Variants in TMCO6 observed in about 807,000 individuals in gnomAD.
TMCO6 encodes transmembrane and coiled-coil domains 6.
In TMCO6, 47 loss-of-function variants were observed where a neutral mutation model predicts 61.8. That is an observed-to-expected ratio of 0.76 (90% confidence interval 0.60 to 0.97). The LOEUF (loss-of-function observed/expected upper bound fraction) is 0.97, where lower values mean the gene tolerates loss of function less well. Ranked by LOEUF, TMCO6 falls within the 50% of genes least tolerant of loss-of-function variation. The probability of loss-of-function intolerance (pLI) is 0.00; values close to 1 mark genes in which losing one functional copy is unlikely to be tolerated. For synonymous variants in TMCO6, 261 were observed against 254.2 expected (o/e 1.03, Z -0.25); for missense variants, 557 against 601.6 (o/e 0.93, Z 0.78).
At chr5:140,638,560 TCTTTC>T (rs1230678648), upstream of TMCO6, among the ~76,000 whole-genome samples, 12 of 122,580 alleles carry the variant, frequency 9.8e-5, 1 homozygote, top group Admixed American at 1.7e-4. Context: ...TTTCTTTCTT[TCTTTC>T]TTTTTTTTTT....
At chr5:140,606,624 G>A in the TMCO6 span, among the ~76,000 whole-genome samples, 1 of 152,114 alleles carries the variant, frequency 6.6e-6, no homozygotes, top group Non-Finnish European at 1.5e-5. Flanking sequence ...TTATAATGGA[G>A]CAGAAAAATC....
At chr5:140,614,165 C>G in the TMCO6 span, among the ~76,000 whole-genome samples, 1 of 150,024 alleles carries the variant, frequency 6.7e-6, no homozygotes, top group African/African-American at 2.4e-5. Flanking sequence ...TCCTGAAGTG[C>G]TGGGATTACA....
At chr5:140,600,321 AG>A in the TMCO6 span, among the ~76,000 whole-genome samples, 7 of 152,208 alleles carry the variant, frequency 4.6e-5, no homozygotes, top group African/African-American at 1.4e-4. Context: ...TACTTCACAC[AG>A]GGCTATTGTA....
At chr5:140,607,183 G>A in the TMCO6 span, among the ~76,000 whole-genome samples, 3 of 152,030 alleles carry the variant, frequency 2.0e-5, no homozygotes, top group African/African-American at 7.2e-5. Flanking sequence ...TACCCATTAT[G>A]CAATAACTCC....
chr5:140,641,432 G>A (rs1381435883), intron 2 of TMCO6: 2 of 527,148 alleles, frequency 3.8e-6, no homozygotes, highest in Non-Finnish European at 6.9e-6. Context: ...ATTTTCAGGT[G>A]AGGAAACTTA....
chr5:140,604,037 A>G, the TMCO6 span, among the ~76,000 whole-genome samples: 1 of 152,190 alleles, frequency 6.6e-6, no homozygotes, highest in South Asian at 2.1e-4. Context: ...TTATAGCAGT[A>G]TGGTGAGTGT....
the TMCO6 span, among the ~76,000 whole-genome samples, chr5:140,610,771 T>C: frequency 6.6e-6 from 1 of 152,150 alleles, no homozygotes; most frequent in African/African-American, 2.4e-5. Context: ...TGAATAGAGG[T>C]GGTGAGAAAA....
the TMCO6 span, among the ~76,000 whole-genome samples, chr5:140,619,328 T>C: frequency 6.6e-6 from 1 of 152,108 alleles, no homozygotes; most frequent in South Asian, 2.1e-4. Context: ...TTCAAGGTAA[T>C]CACTTCTCTT....
chr5:140,629,127 G>A, the TMCO6 span, among the ~76,000 whole-genome samples: 9 of 151,974 alleles, frequency 5.9e-5, no homozygotes, highest in Non-Finnish European at 1.2e-4. Context: ...AAATTAGCAG[G>A]GTGTGGTAGT....
At chr5:140,615,871 G>A in the TMCO6 span, among the ~76,000 whole-genome samples, 1 of 152,248 alleles carries the variant, frequency 6.6e-6, no homozygotes. Flanking sequence ...AGTGGCTCAT[G>A]TGTGCAATCC....
the TMCO6 span, among the ~76,000 whole-genome samples, chr5:140,602,848 G>C: frequency 2.0e-5 from 3 of 151,772 alleles, no homozygotes; most frequent in Non-Finnish European, 4.4e-5. Context: ...GGTGGCTCAC[G>C]CCTGTAATCC....
chr5:140,636,290 G>C (rs1001798350), upstream of TMCO6, among the ~76,000 whole-genome samples: 6 of 152,018 alleles, frequency 3.9e-5, no homozygotes, highest in Non-Finnish European at 7.4e-5. Flanking sequence ...GAGCCACCTT[G>C]CTGGGCCAAG....
At chr5:140,635,671 C>T (rs1446290311), upstream of TMCO6, among the ~76,000 whole-genome samples, 1 of 152,206 alleles carries the variant, frequency 6.6e-6, no homozygotes, top group Non-Finnish European at 1.5e-5. Context: ...CCCTGAAGTG[C>T]TCCAGGAGGT....
intron 2 of TMCO6, 162 bp from the exon 3 acceptor site, chr5:140,641,503 T>C (rs1424198435): frequency 3.2e-6 from 2 of 633,660 alleles, no homozygotes; most frequent in Non-Finnish European, 5.7e-6. Flanking sequence ...TCTGATTCTC[T>C]GTCCACTCCA....
At chr5:140,616,119 G>A in the TMCO6 span, among the ~76,000 whole-genome samples, 6 of 147,512 alleles carry the variant, frequency 4.1e-5, no homozygotes, top group African/African-American at 1.3e-4. Flanking sequence ...GCAACAGAGC[G>A]AGACTCCATC....
At chr5:140,645,607 C>A (rs142478462), downstream of TMCO6, 8 of 1,614,168 alleles carry the variant, frequency 5.0e-6, no homozygotes, top group South Asian at 1.1e-5. Flanking sequence ...CCACTTAGAA[C>A]GTTCTCCAGG....
At chr5:140,624,853 TTTC>T in the TMCO6 span, among the ~76,000 whole-genome samples, 161 of 93,852 alleles carry the variant, frequency 1.7e-3, 1 homozygote, top group African/African-American at 6.4e-3. Context: ...TCTTTCTTTC[TTTC>T]TTTTTTTTTT....
the TMCO6 span, among the ~76,000 whole-genome samples, chr5:140,621,656 G>A: frequency 2.6e-5 from 4 of 152,308 alleles, no homozygotes; most frequent in East Asian, 5.8e-4. Context: ...TCTGACCGCC[G>A]GTGAGCCGGG....
the TMCO6 span, among the ~76,000 whole-genome samples, chr5:140,599,389 T>C: frequency 6.6e-6 from 1 of 152,236 alleles, no homozygotes; most frequent in Non-Finnish European, 1.5e-5. Flanking sequence ...AGTTTTCTAT[T>C]GCTCTTCAGC....
Sources: gnomAD v4.1 joint callset for allele counts (sites outside exome capture counted in the v4.1 genomes callset) on GRCh38, gnomAD v4.1.1 for gene constraint, MANE v1.5 for transcripts, NCBI Gene and HGNC (gene_info 2026-07-23, HGNC 2026-07-21) for gene names.